The following PTPRD variants were observed in gnomAD, a reference collection of about 807,000 sequenced individuals.
The protein encoded by PTPRD is receptor-type tyrosine-protein phosphatase delta.
Under a neutral mutation model 214.5 loss-of-function variants are expected in PTPRD, and 34 were observed. The observed-to-expected ratio is 0.16, with a 90% confidence interval of 0.12 to 0.21. The LOEUF (loss-of-function observed/expected upper bound fraction) is 0.21, where lower values mean the gene tolerates loss of function less well. Ranked by LOEUF, PTPRD falls within the 10% of genes least tolerant of loss-of-function variation. PTPRD has a pLI of 1.00. For synonymous variants in PTPRD, 1,128 were observed against 845.7 expected (o/e 1.33, Z -5.79); for missense variants, 2,545 against 2,398.7 (o/e 1.06, Z -1.27).
intron 11 of PTPRD, among the ~76,000 whole-genome samples, chr9:8,808,892 C>G (rs906307685): frequency 5.9e-5 from 9 of 152,094 alleles, no homozygotes; most frequent in Admixed American, 4.6e-4. Context: ...TTAAGTACCG[C>G]TGACTGAAGC....
At chr9:8,899,211 C>T (rs61562811) in intron 11 of PTPRD, among the ~76,000 whole-genome samples, 4,441 of 152,178 alleles carry the variant, frequency 0.029, 210 homozygotes, top group African/African-American at 0.1. Flanking sequence ...CCAAGAGCAC[C>T]GTAATTATCA....
chr9:10,299,614 G>C (rs946373322), intron 3 of PTPRD, among the ~76,000 whole-genome samples: 1 of 152,078 alleles, frequency 6.6e-6, no homozygotes, highest in East Asian at 1.9e-4. Context: ...CCTTACATTG[G>C]CCAAGGCAGT....
intron 3 of PTPRD, among the ~76,000 whole-genome samples, chr9:10,303,839 G>A (rs372479432): frequency 6.6e-6 from 1 of 152,114 alleles, no homozygotes; most frequent in Non-Finnish European, 1.5e-5. Flanking sequence ...GAGGTTCAAA[G>A]AGGAGCTGGT....
chr9:9,345,612 G>C (rs773336308), intron 9 of PTPRD, among the ~76,000 whole-genome samples: 2 of 152,020 alleles, frequency 1.3e-5, no homozygotes, highest in Non-Finnish European at 2.9e-5. Context: ...ACTCCCCCAA[G>C]GTCATCCCAT....
intron 7 of PTPRD, among the ~76,000 whole-genome samples, chr9:9,629,348 T>C (rs1325036089): frequency 6.6e-6 from 1 of 151,708 alleles, no homozygotes; most frequent in Non-Finnish European, 1.5e-5. Context: ...TATATCACTA[T>C]GATAAACCAC....
intron 5 of PTPRD, among the ~76,000 whole-genome samples, chr9:9,891,643 G>A (rs922072471): frequency 2.0e-5 from 3 of 151,618 alleles, no homozygotes; most frequent in Non-Finnish European, 4.4e-5. Flanking sequence ...GAGAGTAACA[G>A]GATTTTTTTT....
chr9:9,352,249 C>CTTTGTATT (rs1030846718), intron 9 of PTPRD, among the ~76,000 whole-genome samples: 2 of 151,018 alleles, frequency 1.3e-5, no homozygotes, highest in Non-Finnish European at 2.9e-5. Context: ...ATCTGTCCAG[C>CTTTGTATT]TTTGTATTGC....
At chr9:9,367,805 T>G (rs757892650) in intron 9 of PTPRD, among the ~76,000 whole-genome samples, 4 of 151,840 alleles carry the variant, frequency 2.6e-5, no homozygotes, top group Middle Eastern at 6.8e-3. Context: ...CAAATTGCTG[T>G]AATAAGAAAA....
chr9:9,672,317 T>A (rs909694515), intron 7 of PTPRD, among the ~76,000 whole-genome samples: 1 of 152,058 alleles, frequency 6.6e-6, no homozygotes, highest in South Asian at 2.1e-4. Context: ...GGGCAAAAAA[T>A]AAAAATAAAT....
intron 12 of PTPRD, among the ~76,000 whole-genome samples, chr9:8,688,269 C>G (rs1321889546): frequency 6.6e-6 from 1 of 151,906 alleles, no homozygotes; most frequent in Non-Finnish European, 1.5e-5. Flanking sequence ...AGATGTGGTT[C>G]AAAAAGGAAA....
At chr9:8,892,455 T>C (rs538103782) in intron 11 of PTPRD, among the ~76,000 whole-genome samples, 1 of 151,980 alleles carries the variant, frequency 6.6e-6, no homozygotes, top group South Asian at 2.1e-4. Flanking sequence ...GATGCAGAAA[T>C]ATAAATCCTT....
chr9:9,609,875 T>C (rs189865708), intron 7 of PTPRD, among the ~76,000 whole-genome samples: 16 of 152,340 alleles, frequency 1.1e-4, no homozygotes, highest in African/African-American at 3.8e-4. Flanking sequence ...AAAATGTACA[T>C]TTAAAAAGTA....
chr9:10,479,658 T>TAAATAAACAAACAAACAAAC (rs141946645), intron 2 of PTPRD, among the ~76,000 whole-genome samples: 46 of 145,912 alleles, frequency 3.2e-4, no homozygotes, highest in Admixed American at 9.7e-4. Context: ...AATAAATAAA[T>TAAATAAACAAACAAACAAAC]AAACAAAAAT....
intron 14 of PTPRD, among the ~76,000 whole-genome samples, chr9:8,618,258 T>C (rs1045228885): frequency 6.6e-6 from 1 of 152,110 alleles, no homozygotes; most frequent in Non-Finnish European, 1.5e-5. Flanking sequence ...CCTATATTTG[T>C]AAGATATTTG....
intron 5 of PTPRD, among the ~76,000 whole-genome samples, chr9:9,848,032 TAAGA>T (rs1221178758): frequency 6.6e-6 from 1 of 152,062 alleles, no homozygotes; most frequent in Non-Finnish European, 1.5e-5. Flanking sequence ...ACTTTTCTCA[TAAGA>T]AAAGACTTGT....
chr9:9,986,951 GC>G (rs1293256080), intron 4 of PTPRD, among the ~76,000 whole-genome samples: 13 of 151,734 alleles, frequency 8.6e-5, no homozygotes, highest in African/African-American at 2.9e-4. Context: ...ATTTAAACTG[GC>G]CCCTATTTCC....
chr9:8,520,287 A>G (rs7039690), intron 20 of PTPRD, among the ~76,000 whole-genome samples: 32,791 of 152,094 alleles, frequency 0.22, 4,701 homozygotes, highest in African/African-American at 0.42. Context: ...ACGATTGTAA[A>G]TGTTGACAAT....
At chr9:9,498,170 GC>G (rs1307553356) in intron 8 of PTPRD, among the ~76,000 whole-genome samples, 1 of 152,028 alleles carries the variant, frequency 6.6e-6, no homozygotes, top group African/African-American at 2.4e-5. Context: ...CATTGTTTTA[GC>G]GGCACAGTTG....
intron 3 of PTPRD, among the ~76,000 whole-genome samples, chr9:10,219,027 C>G (rs1189666590): frequency 6.6e-6 from 1 of 151,678 alleles, no homozygotes; most frequent in East Asian, 1.9e-4. Context: ...CAAACCGAGG[C>G]ACCACTTGAA....
Sources: allele counts gnomAD v4.1 joint callset (sites outside exome capture counted in the v4.1 genomes callset), GRCh38; gene constraint gnomAD v4.1.1; transcripts MANE v1.5; gene names NCBI Gene and HGNC (gene_info 2026-07-23, HGNC 2026-07-21).